OPHN1: variants seen among roughly 807,000 people sequenced by gnomAD.
The protein encoded by OPHN1 is oligophrenin-1.
OPHN1 carries 11 observed loss-of-function variants against 60.7 expected under a neutral mutation model. That is an observed-to-expected ratio of 0.18 (90% CI 0.11 to 0.30). The LOEUF is 0.30. Ranked by LOEUF, OPHN1 falls within the 10% of genes least tolerant of loss-of-function variation. OPHN1 has a pLI of 1.00. For missense variants in OPHN1, 449 were observed against 611.0 expected, an observed-to-expected ratio of 0.73 and a Z score of 2.80; for synonymous variants, 226 against 222.6, an observed-to-expected ratio of 1.02 and a Z score of -0.14.
At chrX:68,122,342 C>A (rs776674833) in intron 15 of OPHN1, among the ~76,000 whole-genome samples, 16 of 111,079 alleles carry the variant, frequency 1.4e-4, no homozygotes, top group Non-Finnish European at 2.6e-4. Context: ...CACTCAAGTC[C>A]TTTCAAATAT....
intron 2 of OPHN1, among the ~76,000 whole-genome samples, chrX:68,319,070 CTT>C (rs1465726997): frequency 8.9e-6 from 1 of 111,797 alleles, no homozygotes; most frequent in Non-Finnish European, 1.9e-5. Context: ...TCAAATTACT[CTT>C]TCTTTCCTCC....
chrX:68,181,735 G>A (rs1449358505), intron 15 of OPHN1, among the ~76,000 whole-genome samples: 4 of 111,901 alleles, frequency 3.6e-5, no homozygotes, highest in Non-Finnish European at 5.6e-5. Flanking sequence ...GGTTGAGGCA[G>A]GAGAATTGCT....
At chrX:68,433,507 G>A (rs2078896661), upstream of OPHN1, 2 of 282,742 alleles carry the variant, frequency 7.1e-6, no homozygotes, top group African/African-American at 2.8e-5. Flanking sequence ...GCCGAACTCC[G>A]CGGGCAACCC....
At chrX:68,215,261 T>A (rs2077603024) in intron 6 of OPHN1, among the ~76,000 whole-genome samples, 1 of 110,268 alleles carries the variant, frequency 9.1e-6, no homozygotes, top group Non-Finnish European at 1.9e-5. Flanking sequence ...TCAAAAAAAA[T>A]GTGGGAAACT....
At chrX:68,111,666 T>C (rs751403642) in intron 18 of OPHN1, among the ~76,000 whole-genome samples, 188 bp downstream of exon 18, 87 of 111,784 alleles carry the variant, frequency 7.8e-4, no homozygotes, top group African/African-American at 2.5e-3. Context: ...ACAATCCACA[T>C]GCATGATGAC....
chrX:68,396,420 A>AC (rs1371847070), intron 2 of OPHN1, among the ~76,000 whole-genome samples: 26 of 104,171 alleles, frequency 2.5e-4, no homozygotes, highest in African/African-American at 8.9e-4. Flanking sequence ...AAAAAAAAAA[A>AC]AAAACAAGGT....
At chrX:68,179,867 CAG>C (rs1383228294) in intron 15 of OPHN1, among the ~76,000 whole-genome samples, 1 of 111,531 alleles carries the variant, frequency 9.0e-6, no homozygotes, top group African/African-American at 3.3e-5. Context: ...GTGGTCAAGA[CAG>C]AGTGAAAATT....
intron 1 of OPHN1, 67 bp from the exon 2 acceptor site, chrX:68,433,091 G>A: frequency 9.6e-7 from 1 of 1,044,653 alleles, no homozygotes; most frequent in Non-Finnish European, 1.3e-6. Flanking sequence ...GCACAGTAGA[G>A]GAAGTAGAGG....
chrX:68,232,929 C>CTTTTT (rs537093148), intron 6 of OPHN1, among the ~76,000 whole-genome samples: 1 of 94,189 alleles, frequency 1.1e-5, no homozygotes. Flanking sequence ...ACAACTAAGG[C>CTTTTT]TTTTTTTTTT....
At chrX:68,057,518 G>A (rs2076877882) in intron 21 of OPHN1, among the ~76,000 whole-genome samples, 1 of 111,688 alleles carries the variant, frequency 9.0e-6, no homozygotes, top group Admixed American at 9.5e-5. Context: ...GCCTTGATGA[G>A]TGAACCAGAT....
chrX:68,367,315 C>CT (rs1334872756), intron 2 of OPHN1, among the ~76,000 whole-genome samples: 3 of 104,332 alleles, frequency 2.9e-5, no homozygotes, highest in Admixed American at 1.1e-4. Context: ...GATAGCACCA[C>CT]TGCACTCCAG....
At chrX:68,089,813 A>G (rs752329338) in intron 19 of OPHN1, among the ~76,000 whole-genome samples, 5 of 111,827 alleles carry the variant, frequency 4.5e-5, no homozygotes, top group South Asian at 7.5e-4. Context: ...CTTCAAAGCT[A>G]TAAGTAACTG....
At chrX:68,405,272 T>C in intron 2 of OPHN1, among the ~76,000 whole-genome samples, 2 of 111,795 alleles carry the variant, frequency 1.8e-5, no homozygotes, top group South Asian at 7.4e-4. Flanking sequence ...GGTGTGATTA[T>C]AGCTCACTAT....
At chrX:68,265,963 A>C in intron 5 of OPHN1, among the ~76,000 whole-genome samples, 1 of 111,661 alleles carries the variant, frequency 9.0e-6, no homozygotes, top group Admixed American at 9.5e-5. Context: ...TGAAGTGAGA[A>C]GAGAGGTTTA....
intron 3 of OPHN1, among the ~76,000 whole-genome samples, chrX:68,289,688 T>C (rs1231856753): frequency 8.9e-6 from 1 of 111,960 alleles, no homozygotes; most frequent in Non-Finnish European, 1.9e-5. Context: ...CCCCCATCTC[T>C]ACAAAAAACA....
rs183063739 is a variant in OPHN1 at position 68,046,507 on chromosome X, G to A, written c.*665C>T. ...GCAGATTTGTCCTAAGTGGCTGCAT[G>A]TAACAGCAGGAAGGCCACCTTCCTA... On this transcript the variant is annotated 3_prime_UTR_variant, in exon 25 of 25. Transcript: ENST00000355520. The A allele has an allele frequency of 1.1e-4, 12 of 112,302 alleles. No homozygotes were observed. The highest frequency in any genetic ancestry group is 3.6e-4 in the African/African-American group (11 of 30,889). 9.3% of individuals were successfully genotyped at this position (112,302 alleles called of 1,213,427 possible).
At position 68,113,360 on chromosome X, in the gene OPHN1, T is replaced by C. The variant is rs2077113063; in HGVS notation, c.1362-121A>G. 106 of 551,156 alleles carry C rather than the reference T, an allele frequency of 1.9e-4. 1 individual carries two copies. The South Asian group carries it at 2.8e-3, about 14-fold the overall frequency. 45.4% of individuals were successfully genotyped at this position (551,156 alleles called of 1,213,427 possible). A position where few individuals can be genotyped will look rare whatever the true frequency, so the allele number is the denominator to read the frequency against. ...CTACAGCTTAGTGGGATTATATACA[T>C]TTTTCTCTTCACCTGAAGCTTCGTC... On this transcript the variant is annotated intron_variant, in intron 16 of 24. Coordinates refer to ENST00000355520, the MANE Select transcript of OPHN1 (RefSeq NM_002547.3).
At chrX:68,166,276 G>A (rs1046326518) in intron 15 of OPHN1, among the ~76,000 whole-genome samples, 2 of 112,443 alleles carry the variant, frequency 1.8e-5, no homozygotes, top group African/African-American at 3.2e-5. Context: ...GCTCACGCCT[G>A]TAATCCCAGC....
chrX:68,106,395 C>T (rs1429097007), intron 18 of OPHN1, among the ~76,000 whole-genome samples: 2 of 111,067 alleles, frequency 1.8e-5, no homozygotes, highest in Non-Finnish European at 3.8e-5. Context: ...ATCTTATCTG[C>T]CTCCAGTGAA....
Sources: allele counts gnomAD v4.1 joint callset (sites outside exome capture counted in the v4.1 genomes callset), GRCh38; gene constraint gnomAD v4.1.1; transcripts MANE v1.5; gene names NCBI Gene and HGNC (gene_info 2026-07-23, HGNC 2026-07-21).